HERC3: variants seen among roughly 807,000 people sequenced by gnomAD.
HERC3 encodes HECT and RLD domain containing E3 ubiquitin protein ligase 3.
In HERC3, 58 loss-of-function variants were observed where a neutral mutation model predicts 129.9. The observed-to-expected ratio is 0.45, with a 90% CI of 0.36 to 0.56. HERC3 has a LOEUF of 0.56. Among genes scored for constraint, HERC3 ranks in the 20% least tolerant of loss-of-function variants. HERC3 has a pLI of 0.00. For synonymous variants in HERC3, 430 were observed against 451.0 expected, an observed-to-expected ratio of 0.95 and a Z score of 0.59; for missense variants, 835 against 1,244.2, an observed-to-expected ratio of 0.67 and a Z score of 4.95.
At chr4:88,617,201 A>AG (rs1436314803) in intron 3 of HERC3, among the ~76,000 whole-genome samples, 36 of 135,872 alleles carry the variant, frequency 2.6e-4, no homozygotes, top group African/African-American at 3.8e-4. Context: ...AAAAAAAAAA[A>AG]GAAATTGAGA....
intron 3 of HERC3, among the ~76,000 whole-genome samples, chr4:88,644,002 A>T (rs531090043): frequency 6.0e-4 from 92 of 152,348 alleles, no homozygotes; most frequent in Admixed American, 1.6e-3. Flanking sequence ...TCCAAAGAGG[A>T]TGGATGGCAA....
chr4:88,590,221 T>C (rs1180183604), upstream of HERC3, among the ~76,000 whole-genome samples: 2 of 150,812 alleles, frequency 1.3e-5, no homozygotes, highest in Non-Finnish European at 2.9e-5. Flanking sequence ...TGAGCAGAGA[T>C]CGCGCCACTG....
intron 18 of HERC3, 42 bp from the exon 19 acceptor site, chr4:88,677,922 C>T (rs752022517): frequency 5.7e-6 from 9 of 1,581,526 alleles, no homozygotes; most frequent in South Asian, 2.2e-5. Flanking sequence ...CCAACTCACA[C>T]GTGTGCTCTG....
At chr4:88,585,518 C>CT in the HERC3 span, among the ~76,000 whole-genome samples, 650 of 122,734 alleles carry the variant, frequency 5.3e-3, 7 homozygotes, top group Middle Eastern at 0.028. Context: ...TGATACTTTG[C>CT]TTTTTTTTTT....
chr4:88,650,738 T>G (rs1002884600), intron 4 of HERC3, among the ~76,000 whole-genome samples: 2 of 152,242 alleles, frequency 1.3e-5, no homozygotes, highest in African/African-American at 4.8e-5. Context: ...TTATTTAATA[T>G]CTGTTTTTAC....
chr4:88,686,206 A>G (rs116063124), intron 21 of HERC3, among the ~76,000 whole-genome samples: 3,179 of 152,254 alleles, frequency 0.021, 108 homozygotes, highest in African/African-American at 0.072. Flanking sequence ...TCTTCTTCCA[A>G]TGTGGCCTGG....
At chr4:88,534,352 A>T in the HERC3 span, among the ~76,000 whole-genome samples, 2 of 152,244 alleles carry the variant, frequency 1.3e-5, no homozygotes, top group Non-Finnish European at 2.9e-5. Context: ...CTTACCATGC[A>T]CAGGACAGCC....
At chr4:88,580,083 C>CA in the HERC3 span, among the ~76,000 whole-genome samples, 1 of 152,008 alleles carries the variant, frequency 6.6e-6, no homozygotes, top group South Asian at 2.1e-4. Context: ...TTTGTTACAG[C>CA]AGCAATAGGA....
chr4:88,566,898 T>TCC, the HERC3 span, among the ~76,000 whole-genome samples: 1 of 152,190 alleles, frequency 6.6e-6, no homozygotes, highest in Non-Finnish European at 1.5e-5. Context: ...CAGGTGATTC[T>TCC]CCCACCTCAG....
At chr4:88,648,794 A>G (rs1728961728) in intron 3 of HERC3, among the ~76,000 whole-genome samples, 1 of 151,784 alleles carries the variant, frequency 6.6e-6, no homozygotes, top group South Asian at 2.1e-4. Context: ...CTCTTGGAAC[A>G]ATCCTATAAT....
At chr4:88,687,924 A>G (rs969981485) in intron 23 of HERC3, among the ~76,000 whole-genome samples, 1 of 152,178 alleles carries the variant, frequency 6.6e-6, no homozygotes, top group Admixed American at 6.5e-5. Context: ...TTACTTTTAT[A>G]TTAAATTATG....
At chr4:88,610,242 C>T (rs962856027) in intron 3 of HERC3, among the ~76,000 whole-genome samples, 1 of 152,050 alleles carries the variant, frequency 6.6e-6, no homozygotes, top group Non-Finnish European at 1.5e-5. Context: ...ATAACGAGGT[C>T]AGGAGTCCGA....
At chr4:88,694,440 T>G (rs112954607) in intron 23 of HERC3, among the ~76,000 whole-genome samples, 122 of 152,360 alleles carry the variant, frequency 8.0e-4, no homozygotes, top group African/African-American at 2.8e-3. Context: ...TGTCTTTAAC[T>G]CTGTGATTTC....
chr4:88,569,174 AT>A, the HERC3 span, among the ~76,000 whole-genome samples: 3 of 152,166 alleles, frequency 2.0e-5, no homozygotes, highest in Non-Finnish European at 2.9e-5. Flanking sequence ...TCTGGCTAGA[AT>A]TGGTCAAAAT....
the HERC3 span, among the ~76,000 whole-genome samples, chr4:88,550,621 A>G: frequency 1.3e-5 from 2 of 152,188 alleles, no homozygotes; most frequent in African/African-American, 4.8e-5. Context: ...ACCGCTGCTC[A>G]ATGAAATAAA....
At chr4:88,576,545 C>A in the HERC3 span, among the ~76,000 whole-genome samples, 1 of 152,166 alleles carries the variant, frequency 6.6e-6, no homozygotes, top group Admixed American at 6.5e-5. Flanking sequence ...TCCCACCTGG[C>A]AACTCTTCAC....
chr4:88,595,177 T>C (rs912678315), intron 1 of HERC3, among the ~76,000 whole-genome samples: 41 of 150,974 alleles, frequency 2.7e-4, no homozygotes, highest in African/African-American at 1.0e-3. Context: ...AACAAGCTGC[T>C]ATGTGTCATA....
At chr4:88,550,282 A>T in the HERC3 span, among the ~76,000 whole-genome samples, 1 of 152,204 alleles carries the variant, frequency 6.6e-6, no homozygotes, top group African/African-American at 2.4e-5. Context: ...AGTTCTGGCC[A>T]GGGCAATTAG....
At chr4:88,688,880 A>C (rs1733760747) in intron 23 of HERC3, among the ~76,000 whole-genome samples, 1 of 152,186 alleles carries the variant, frequency 6.6e-6, no homozygotes, top group South Asian at 2.1e-4. Context: ...CAGACTCTTG[A>C]GGATTTGAGC....
Sources: gnomAD v4.1 joint callset for allele counts (sites outside exome capture counted in the v4.1 genomes callset) on GRCh38, gnomAD v4.1.1 for gene constraint, MANE v1.5 for transcripts, NCBI Gene and HGNC (gene_info 2026-07-23, HGNC 2026-07-21) for gene names.